The following ITPR1 variants were observed in gnomAD, a reference collection of about 807,000 sequenced individuals.
The protein encoded by ITPR1 is inositol 1,4,5-trisphosphate receptor type 1.
A neutral mutation model predicts 318.4 loss-of-function variants in ITPR1; 96 were observed. That is an observed-to-expected ratio of 0.30 (90% CI 0.26 to 0.36). The LOEUF (loss-of-function observed/expected upper bound fraction) is 0.36. Ranked by LOEUF, ITPR1 falls within the 10% of genes least tolerant of loss-of-function variation. The pLI is 1.00. For synonymous variants in ITPR1, 1,312 were observed against 1,289.9 expected (o/e 1.02, Z -0.37); for missense variants, 2,440 against 3,460.2 (o/e 0.71, Z 7.40).
intron 60 of ITPR1, among the ~76,000 whole-genome samples, chr3:4,836,253 C>G (rs4685831): frequency 0.82 from 124,309 of 152,018 alleles, 50,983 homozygotes; most frequent in Middle Eastern, 0.86. Context: ...CCGGGGCCGG[C>G]GGGAATGGGG....
chr3:4,513,309 T>C (rs1230677430), intron 2 of ITPR1, among the ~76,000 whole-genome samples: 2 of 151,914 alleles, frequency 1.3e-5, no homozygotes, highest in East Asian at 1.9e-4. Flanking sequence ...CCTATCCTCC[T>C]CCCCCCATCT....
intron 14 of ITPR1, among the ~76,000 whole-genome samples, chr3:4,661,560 A>G (rs998967310): frequency 6.6e-6 from 1 of 151,694 alleles, no homozygotes; most frequent in Non-Finnish European, 1.5e-5. Flanking sequence ...GTCATACAGT[A>G]TAAGTAAATA....
chr3:4,607,280 C>T (rs2091767254), intron 4 of ITPR1, among the ~76,000 whole-genome samples: 1 of 152,110 alleles, frequency 6.6e-6, no homozygotes, highest in Non-Finnish European at 1.5e-5. Context: ...GATTTGACTG[C>T]ACACTAAAGT....
intron 35 of ITPR1, among the ~76,000 whole-genome samples, chr3:4,700,560 A>G (rs1041135636): frequency 1.6e-4 from 25 of 152,198 alleles, no homozygotes; most frequent in Non-Finnish European, 2.6e-4. Context: ...TGGGATGTAA[A>G]AGAGGCAGAA....
intron 4 of ITPR1, among the ~76,000 whole-genome samples, chr3:4,561,353 T>A (rs1575536052): frequency 6.6e-6 from 1 of 152,354 alleles, no homozygotes; most frequent in East Asian, 1.9e-4. Context: ...TTCCAGTGAC[T>A]GATAATGATA....
chr3:4,628,372 G>T (rs1440540372), intron 5 of ITPR1, among the ~76,000 whole-genome samples: 16 of 152,220 alleles, frequency 1.1e-4, no homozygotes, highest in Admixed American at 9.2e-4. Flanking sequence ...TGTTAGCATT[G>T]TATCTGTTGT....
rs775372858 is a variant in ITPR1, at chr3:4,675,115, C to T, written c.2646C>T (p.Phe882=). ...TCATATACTTTGGTTTCTACAACTT[C>T]TCTGACCTTCTACGATTAACTAAGA... The part of the protein sequence containing the change: ...RNLIYFGFYN[F]SDLLRLTKIL... Residue 882 remains phenylalanine, a synonymous_variant, in exon 23 of 62, where the codon TTC becomes TTT. Coordinates refer to ENST00000649015, the MANE Select transcript of ITPR1 (RefSeq NM_001378452.1). 2.5e-6 allele frequency: 4 copies of T among 1,605,802 alleles called. No individual in the cohort carries two copies. Among genetic ancestry groups the T allele is most frequent in the Non-Finnish European group, 2.6e-6 (3 of 1,172,830 alleles).
intron 1 of ITPR1, among the ~76,000 whole-genome samples, chr3:4,494,207 G>A (rs1327740718): frequency 6.6e-6 from 1 of 152,218 alleles, no homozygotes; most frequent in Non-Finnish European, 1.5e-5. Context: ...AAGTTTGTGC[G>A]TGCCTAGTCT....
chr3:4,689,396 C>T (rs1002178892), intron 31 of ITPR1, among the ~76,000 whole-genome samples: 12 of 152,182 alleles, frequency 7.9e-5, no homozygotes, highest in African/African-American at 2.7e-4. Context: ...TTGAGCATCC[C>T]AGATCTGAAA....
chr3:4,748,897 T>C (rs1337689368), intron 44 of ITPR1, among the ~76,000 whole-genome samples: 2 of 152,214 alleles, frequency 1.3e-5, no homozygotes, highest in Non-Finnish European at 2.9e-5. Context: ...CGAAGTTGTA[T>C]TGGTTCCCAG....
intron 52 of ITPR1, among the ~76,000 whole-genome samples, chr3:4,793,792 T>C (rs2047722184): frequency 6.6e-6 from 1 of 152,164 alleles, no homozygotes; most frequent in Non-Finnish European, 1.5e-5. Context: ...CAATGAGGGA[T>C]TTTAAACTAG....
intron 60 of ITPR1, among the ~76,000 whole-genome samples, chr3:4,823,339 G>A (rs2049847164): frequency 6.6e-6 from 1 of 152,190 alleles, no homozygotes. Flanking sequence ...CATTAAGAAG[G>A]AAGGTTGGTA....
chr3:4,786,990 T>C (rs2633717), intron 51 of ITPR1, among the ~76,000 whole-genome samples: 15,537 of 152,242 alleles, frequency 0.1, 927 homozygotes, highest in Non-Finnish European at 0.14. Flanking sequence ...AGCAGTGTAC[T>C]CTCCAACATG....
intron 2 of ITPR1, among the ~76,000 whole-genome samples, chr3:4,505,367 A>T (rs2081326695): frequency 6.6e-6 from 1 of 152,128 alleles, no homozygotes; most frequent in Non-Finnish European, 1.5e-5. Context: ...TAATTTTTGT[A>T]TTCTTAGTAA....
chr3:4,746,552 A>T (rs2044123001), intron 44 of ITPR1, among the ~76,000 whole-genome samples: 1 of 151,874 alleles, frequency 6.6e-6, no homozygotes. Context: ...GGCAGAGATA[A>T]TGGGTTGTGC....
At chr3:4,620,595 C>T (rs961307275) in intron 4 of ITPR1, among the ~76,000 whole-genome samples, 6 of 151,896 alleles carry the variant, frequency 4.0e-5, no homozygotes, top group African/African-American at 1.5e-4. Context: ...ATCCTCTTTC[C>T]ATCTTTATTT....
intron 44 of ITPR1, 97 bp from the exon 45 acceptor site, chr3:4,766,433 G>T: frequency 1.0e-6 from 1 of 971,932 alleles, no homozygotes; most frequent in Non-Finnish European, 1.6e-6. Flanking sequence ...GTGAGGTTTT[G>T]CAACTGGCTC....
At chr3:4,620,859 T>A (rs770839003) in intron 4 of ITPR1, among the ~76,000 whole-genome samples, 1 of 152,080 alleles carries the variant, frequency 6.6e-6, no homozygotes, top group Non-Finnish European at 1.5e-5. Context: ...TACAGTGGAT[T>A]TGTGATACTG....
At position 4,675,091 on chromosome 3, in the gene ITPR1, C is replaced by T. The variant is rs2094157414; in HGVS notation, c.2622C>T (p.Leu874=). The change falls in exon 23 of 62, where the codon CTC becomes CTT. Residue 874 remains leucine (L), a synonymous_variant. Coordinates refer to ENST00000649015, the MANE Select transcript of ITPR1 (RefSeq NM_001378452.1). ...AGGTTGTAAATTTAGCTAGGAATCT[C>T]ATATACTTTGGTTTCTACAACTTCT... ...TFEVVNLARN[L]IYFGFYNFSD... is the part of the protein sequence containing the mutation. 1 of 1,581,814 alleles carries T rather than the reference C, an allele frequency of 6.3e-7. No homozygotes were observed. The highest frequency in any genetic ancestry group is 8.7e-7 in the Non-Finnish European group (1 of 1,151,754).
Sources: gnomAD v4.1 joint callset for allele counts (sites outside exome capture counted in the v4.1 genomes callset) on GRCh38, gnomAD v4.1.1 for gene constraint, MANE v1.5 for transcripts, NCBI Gene and HGNC (gene_info 2026-07-23, HGNC 2026-07-21) for gene names.